Variants in MYO3B observed in about 807,000 individuals in gnomAD.
MYO3B encodes myosin IIIB.
A neutral mutation model predicts 174.6 loss-of-function variants in MYO3B; 156 were observed. The observed-to-expected ratio is 0.89, with a 90% CI of 0.78 to 1.02. The LOEUF (loss-of-function observed/expected upper bound fraction) is 1.02. Among genes scored for constraint, MYO3B ranks in the 50% least tolerant of loss-of-function variants. The pLI, the probability that MYO3B is intolerant of heterozygous loss-of-function variation, is 0.00. For synonymous variants in MYO3B, 563 were observed against 569.1 expected, an observed-to-expected ratio of 0.99 and a Z score of 0.15; for missense variants, 1,632 against 1,639.4, an observed-to-expected ratio of 1.00 and a Z score of 0.08.
chr2:170,182,108 A>G (rs1334074932), intron 1 of MYO3B, among the ~76,000 whole-genome samples: 5 of 152,126 alleles, frequency 3.3e-5, no homozygotes, highest in African/African-American at 1.2e-4. Context: ...AAATGTTAGT[A>G]CTTACAACAA....
chr2:170,567,526 A>G (rs1692144057), intron 32 of MYO3B, among the ~76,000 whole-genome samples: 1 of 152,220 alleles, frequency 6.6e-6, no homozygotes, highest in African/African-American at 2.4e-5. Context: ...ATGAAAGTTA[A>G]CAGGACACAA....
At chr2:170,324,704 G>C (rs1185496435) in intron 7 of MYO3B, among the ~76,000 whole-genome samples, 1 of 152,216 alleles carries the variant, frequency 6.6e-6, no homozygotes, top group Non-Finnish European at 1.5e-5. Flanking sequence ...AGTGGACTTG[G>C]TGAACATTTC....
At chr2:170,297,831 G>C (rs2093638380) in intron 7 of MYO3B, among the ~76,000 whole-genome samples, 1 of 152,122 alleles carries the variant, frequency 6.6e-6, no homozygotes, top group African/African-American at 2.4e-5. Flanking sequence ...TTTAATCACT[G>C]TTCATGATTA....
At chr2:170,607,297 C>CT (rs1295193147) in intron 32 of MYO3B, among the ~76,000 whole-genome samples, 2 of 152,212 alleles carry the variant, frequency 1.3e-5, no homozygotes, top group East Asian at 3.9e-4. Context: ...CAGAAATAAA[C>CT]AATCCCCACA....
intron 30 of MYO3B, among the ~76,000 whole-genome samples, chr2:170,540,047 T>G (rs1689983693): frequency 6.6e-6 from 1 of 152,176 alleles, no homozygotes; most frequent in Non-Finnish European, 1.5e-5. Context: ...TTCTTGATGC[T>G]TAATTCCTTT....
At chr2:170,293,925 A>AG (rs1188462782) in intron 7 of MYO3B, among the ~76,000 whole-genome samples, 1 of 151,984 alleles carries the variant, frequency 6.6e-6, no homozygotes, top group African/African-American at 2.4e-5. Context: ...AGGGATATGG[A>AG]GGGAAAAAAA....
chr2:170,185,270 T>G (rs1374964665), intron 1 of MYO3B, among the ~76,000 whole-genome samples: 1 of 152,210 alleles, frequency 6.6e-6, no homozygotes, highest in Non-Finnish European at 1.5e-5. Flanking sequence ...CCTGGAGAGT[T>G]TCTCCATTGT....
chr2:170,531,869 A>G (rs1304401359), intron 30 of MYO3B, among the ~76,000 whole-genome samples: 2 of 152,244 alleles, frequency 1.3e-5, no homozygotes, highest in East Asian at 3.8e-4. Flanking sequence ...TGAAATTAAG[A>G]AAACAGAAAA....
At chr2:170,261,262 G>A (rs1399135288) in intron 7 of MYO3B, among the ~76,000 whole-genome samples, 1 of 151,892 alleles carries the variant, frequency 6.6e-6, no homozygotes, top group East Asian at 1.9e-4. Flanking sequence ...GGCCTCAAGG[G>A]ATCCCACCCG....
intron 33 of MYO3B, 80 bp from the exon 34 acceptor site, chr2:170,652,028 T>C: frequency 6.8e-7 from 1 of 1,465,652 alleles, no homozygotes; most frequent in South Asian, 1.2e-5. Flanking sequence ...TCTGCTTGCA[T>C]TCAACACAAA....
At chr2:170,594,681 T>G (rs1312961179) in intron 32 of MYO3B, among the ~76,000 whole-genome samples, 1 of 152,156 alleles carries the variant, frequency 6.6e-6, no homozygotes, top group African/African-American at 2.4e-5. Flanking sequence ...AGGTAGACTG[T>G]GCTTCAAGCT....
At chr2:170,221,706 A>T (rs913244562) in intron 6 of MYO3B, among the ~76,000 whole-genome samples, 3 of 151,806 alleles carry the variant, frequency 2.0e-5, no homozygotes, top group Non-Finnish European at 4.4e-5. Flanking sequence ...TTGGCATAAT[A>T]AAAGGGTTAA....
chr2:170,314,136 G>A (rs2093758424), intron 7 of MYO3B, among the ~76,000 whole-genome samples: 1 of 152,156 alleles, frequency 6.6e-6, no homozygotes, highest in Admixed American at 6.5e-5. Flanking sequence ...CTTTTATTAT[G>A]TTTATTTAGT....
chr2:170,615,386 G>T (rs1695390737), intron 32 of MYO3B, among the ~76,000 whole-genome samples: 2 of 152,324 alleles, frequency 1.3e-5, no homozygotes, highest in South Asian at 2.1e-4. Context: ...CAGGACGGAG[G>T]GATAGGGTGT....
chr2:170,340,231 GT>G (rs1050425852), intron 8 of MYO3B: 1 of 152,128 alleles, frequency 6.6e-6, no homozygotes, highest in African/African-American at 2.4e-5. Flanking sequence ...AACTTTAGTG[GT>G]TTTTTAGGAA....
intron 32 of MYO3B, among the ~76,000 whole-genome samples, chr2:170,570,054 A>C (rs1692335590): frequency 6.6e-6 from 1 of 152,154 alleles, no homozygotes; most frequent in African/African-American, 2.4e-5. Context: ...AACCCAATTT[A>C]ACTAGAAGAG....
At chr2:170,311,555 G>A (rs1452478642) in intron 7 of MYO3B, among the ~76,000 whole-genome samples, 1 of 147,676 alleles carries the variant, frequency 6.8e-6, no homozygotes, top group Non-Finnish European at 1.5e-5. Context: ...CCTGTTTTGT[G>A]GGTTGTCTTT....
In MYO3B at chr2:170,649,045, T is replaced by TA. The variant is rs1430615357; in HGVS notation, c.3734-2582dup. 6.4e-4 allele frequency among the ~76,000 whole-genome samples: 47 copies of TA among 73,332 alleles called. 4 individuals carry two copies. The highest frequency in any genetic ancestry group is 3.8e-3 in the South Asian group (7 of 1,846). 48.1% of individuals were successfully genotyped at this position (73,332 alleles called of 152,430 possible). On this transcript the variant is annotated intron_variant, in intron 32 of 34. Coordinates refer to ENST00000408978, the MANE Select transcript of MYO3B (RefSeq NM_138995.5). ...AATATATAAAATAATATATAATGTA[T>TA]ATTATATAAAATAATATATAATGTA... is the stretch of plus-strand genomic sequence containing the variant.
intron 32 of MYO3B, among the ~76,000 whole-genome samples, chr2:170,631,853 T>C (rs1697014673): frequency 6.6e-6 from 1 of 152,158 alleles, no homozygotes; most frequent in Non-Finnish European, 1.5e-5. Context: ...GCAATGCTAC[T>C]CTCTGATAAA....
Sources: gnomAD v4.1 joint callset for allele counts (sites outside exome capture counted in the v4.1 genomes callset) on GRCh38, gnomAD v4.1.1 for gene constraint, MANE v1.5 for transcripts, NCBI Gene and HGNC (gene_info 2026-07-23, HGNC 2026-07-21) for gene names.